Variants in NEO1 observed in about 807,000 individuals in gnomAD.
NEO1 encodes the protein neogenin 1, also known as neogenin.
NEO1 carries 63 observed loss-of-function variants against 159.7 expected under a neutral mutation model. That is an observed-to-expected ratio of 0.39 (90% CI 0.32 to 0.49). The LOEUF (loss-of-function observed/expected upper bound fraction) is 0.49. NEO1 is among the 20% of genes least tolerant of loss of function. The pLI, the probability that NEO1 is intolerant of heterozygous loss-of-function variation, is 0.85. For missense variants in NEO1, 1,615 were observed against 1,831.0 expected, an observed-to-expected ratio of 0.88 and a Z score of 2.15; for synonymous variants, 633 against 662.0, an observed-to-expected ratio of 0.96 and a Z score of 0.67.
At chr15:73,072,388 A>G (rs1425868851) in intron 1 of NEO1, among the ~76,000 whole-genome samples, 1 of 152,140 alleles carries the variant, frequency 6.6e-6, no homozygotes, top group Non-Finnish European at 1.5e-5. Context: ...CAACTGTTGG[A>G]CGGAAGCAGG....
intron 19 of NEO1, 119 bp downstream of exon 19, chr15:73,272,681 T>C (rs2041226466): frequency 1.4e-6 from 1 of 725,578 alleles, no homozygotes; most frequent in Non-Finnish European, 2.4e-6. Flanking sequence ...GGTCATTTTA[T>C]GGTAAGGTGT....
chr15:73,062,494 A>G (rs990510393), intron 1 of NEO1, among the ~76,000 whole-genome samples: 2 of 152,232 alleles, frequency 1.3e-5, no homozygotes, highest in African/African-American at 2.4e-5. Context: ...TAATTGGGTT[A>G]GTTACCTGAC....
chr15:73,220,777 C>T (rs2038199903), intron 7 of NEO1, among the ~76,000 whole-genome samples: 1 of 152,224 alleles, frequency 6.6e-6, no homozygotes, highest in African/African-American at 2.4e-5. Flanking sequence ...TCAGCTCCAT[C>T]AGCTCCTTTA....
intron 1 of NEO1, among the ~76,000 whole-genome samples, chr15:73,068,736 G>T (rs1285354696): frequency 6.6e-6 from 1 of 152,094 alleles, no homozygotes; most frequent in African/African-American, 2.4e-5. Flanking sequence ...GTGGGCATTG[G>T]TTAAATGCAT....
intron 21 of NEO1, among the ~76,000 whole-genome samples, 157 bp from the exon 22 acceptor site, chr15:73,277,972 CAT>C (rs1236858236): frequency 6.6e-6 from 1 of 152,214 alleles, no homozygotes; most frequent in African/African-American, 2.4e-5. Flanking sequence ...GCTTTCCACA[CAT>C]AGACTATAGA....
At chr15:73,155,795 T>C (rs2033729393) in intron 5 of NEO1, among the ~76,000 whole-genome samples, 1 of 152,228 alleles carries the variant, frequency 6.6e-6, no homozygotes, top group South Asian at 2.1e-4. Flanking sequence ...AATTGTTCAG[T>C]TCTAGAATTT....
At chr15:73,295,867 A>G (rs1250416990) in intron 26 of NEO1, among the ~76,000 whole-genome samples, 2 of 152,182 alleles carry the variant, frequency 1.3e-5, no homozygotes, top group Non-Finnish European at 2.9e-5. Flanking sequence ...TTGTCCAATC[A>G]CTTGGCCAGT....
intron 7 of NEO1, among the ~76,000 whole-genome samples, chr15:73,197,345 C>T (rs193280136): frequency 2.0e-5 from 3 of 151,960 alleles, no homozygotes; most frequent in Non-Finnish European, 2.9e-5. Context: ...GGTGACAGAG[C>T]GAGACTCCAT....
intron 1 of NEO1, among the ~76,000 whole-genome samples, chr15:73,069,618 A>G (rs1048775306): frequency 6.6e-6 from 1 of 151,920 alleles, no homozygotes; most frequent in African/African-American, 2.4e-5. Flanking sequence ...CTCTGACTAG[A>G]TGATTATATC....
intron 1 of NEO1, among the ~76,000 whole-genome samples, chr15:73,087,725 G>C (rs184682730): frequency 2.0e-5 from 3 of 152,148 alleles, no homozygotes; most frequent in Admixed American, 1.3e-4. Context: ...CAATTCAGAT[G>C]ATTATTAATA....
chr15:73,223,388 C>T (rs1377711026), intron 7 of NEO1, among the ~76,000 whole-genome samples: 6 of 152,012 alleles, frequency 3.9e-5, no homozygotes, highest in African/African-American at 1.2e-4. Context: ...GTATTGAAGT[C>T]CCCCACTATT....
rs56340513 is a variant in NEO1 at position 73,148,835 on chromosome 15, A to G, written c.1015+12808A>G. 8.6e-3 allele frequency among the ~76,000 whole-genome samples: 1,309 copies of G among 151,542 alleles called. 18 individuals carry two copies. Among genetic ancestry groups the G allele is most frequent in the Middle Eastern group, 0.017 (5 of 290 alleles). On this transcript the variant is annotated intron_variant, in intron 5 of 28. Coordinates refer to ENST00000261908, the MANE Select transcript of NEO1 (RefSeq NM_002499.4). ...GAGAAGTCTCTTAGGTTGAAATCAT[A>G]TCAGTGGTTTTCAAACTTGTTTTTT...
chr15:73,144,647 A>G (rs2032728064), intron 5 of NEO1, among the ~76,000 whole-genome samples: 1 of 152,146 alleles, frequency 6.6e-6, no homozygotes, highest in African/African-American at 2.4e-5. Flanking sequence ...TTCAGGTATA[A>G]TTTACATACA....
At chr15:73,224,198 G>A (rs151009820) in intron 7 of NEO1, among the ~76,000 whole-genome samples, 1 of 152,188 alleles carries the variant, frequency 6.6e-6, no homozygotes, top group East Asian at 1.9e-4. Flanking sequence ...TTCCTTTGTA[G>A]GTTACCTGGT....
At chr15:73,293,155 A>G (rs779868141) in intron 25 of NEO1, among the ~76,000 whole-genome samples, 9 of 152,190 alleles carry the variant, frequency 5.9e-5, no homozygotes, top group African/African-American at 9.7e-5. Flanking sequence ...ATTTTAGTGT[A>G]TATTCCTTTT....
intron 5 of NEO1, among the ~76,000 whole-genome samples, chr15:73,174,249 G>T (rs1045301482): frequency 1.8e-4 from 28 of 152,302 alleles, no homozygotes; most frequent in African/African-American, 6.7e-4. Flanking sequence ...GAAGACTGTT[G>T]TTCAGACCTT....
intron 1 of NEO1, among the ~76,000 whole-genome samples, chr15:73,062,341 T>C (rs543495183): frequency 4.5e-4 from 69 of 152,372 alleles, no homozygotes; most frequent in African/African-American, 1.6e-3. Flanking sequence ...TTTATTCATA[T>C]ATCTATATCT....
intron 8 of NEO1, among the ~76,000 whole-genome samples, chr15:73,242,855 A>G (rs961445278): frequency 2.0e-4 from 30 of 152,344 alleles, no homozygotes; most frequent in African/African-American, 7.2e-4. Context: ...GAAGCAGGGC[A>G]GGAAAGGCAG....
intron 1 of NEO1, among the ~76,000 whole-genome samples, chr15:73,111,048 G>A (rs7170328): frequency 0.15 from 22,384 of 152,028 alleles, 2,562 homozygotes; most frequent in African/African-American, 0.31. Flanking sequence ...TATAAAAGTA[G>A]CAAACAGAAA....
Sources: gnomAD v4.1 joint callset for allele counts (sites outside exome capture counted in the v4.1 genomes callset) on GRCh38, gnomAD v4.1.1 for gene constraint, MANE v1.5 for transcripts, NCBI Gene and HGNC (gene_info 2026-07-23, HGNC 2026-07-21) for gene names.